The following BMS1 variants were observed in gnomAD, a reference collection of about 807,000 sequenced individuals.
BMS1 encodes the protein ribosome biogenesis protein BMS1 homolog.
Under a neutral mutation model 138.7 loss-of-function variants are expected in BMS1, and 53 were observed. That is an observed-to-expected ratio of 0.38 (90% confidence interval 0.31 to 0.48). The LOEUF (loss-of-function observed/expected upper bound fraction) is 0.48, where lower values mean the gene tolerates loss of function less well. BMS1 is among the 20% of genes least tolerant of loss of function. The probability of loss-of-function intolerance (pLI) is 0.97; values close to 1 mark genes in which losing one functional copy is unlikely to be tolerated. For missense variants in BMS1, 1,360 were observed against 1,565.5 expected, an observed-to-expected ratio of 0.87 and a Z score of 2.22; for synonymous variants, 504 against 539.9, an observed-to-expected ratio of 0.93 and a Z score of 0.92.
rs1356766713 is a variant in BMS1 at position 42,831,502 on chromosome 10, A to G, written c.*406A>G. The stretch of plus-strand genomic sequence containing the variant: ...TCATGAGGAGTCTTCCAGAAGAGAA[A>G]GAAATATTCACTTGAACTCTGAGCT... On this transcript the variant is annotated 3_prime_UTR_variant, in exon 23 of 23. Coordinates refer to ENST00000374518, the MANE Select transcript of BMS1 (RefSeq NM_014753.4). 1 of 175,812 alleles carries G rather than the reference A, an allele frequency of 5.7e-6. No individual in the cohort carries two copies. The allele number at this position is 175,812 out of a possible 1,614,324, so 10.9% of individuals were successfully genotyped here.
chr10:42,824,153 A>C (rs1039634639), intron 21 of BMS1, among the ~76,000 whole-genome samples: 1 of 152,210 alleles, frequency 6.6e-6, no homozygotes, highest in Non-Finnish European at 1.5e-5. Context: ...AGGAACAGCT[A>C]AAATCTACTT....
At position 42,823,212 on chromosome 10, in the gene BMS1, G is replaced by A. The variant is rs756311685; in HGVS notation, c.3227G>A (p.Arg1076Gln). 3.5e-5 allele frequency: 56 copies of A among 1,606,340 alleles called. No individual in the cohort carries two copies. Among genetic ancestry groups the A allele is most frequent in the South Asian group, 7.8e-5 (7 of 89,874 alleles). The change falls in exon 20 of 23, where the codon CGA becomes CAA. Residue 1076 changes from arginine to glutamine, a missense_variant. Physicochemically the swap from Arg to Gln is conservative, Grantham distance 43. Around this residue, in one of 3 missense-constraint regions of BMS1, gnomAD observed 425 missense variants for 568.3 expected, o/e 0.75. Coordinates refer to ENST00000374518, the MANE Select transcript of BMS1 (RefSeq NM_014753.4). ...AGGGGGCAGATCAAGAAAGCACTCC[G>A]AGCTCCAGAAGGAGCTTTCAGGGCC... The part of the protein sequence containing the change: ...GIRGQIKKAL[R>Q]APEGAFRASF...
chr10:42,811,071 T>C (rs2132352360), intron 13 of BMS1, among the ~76,000 whole-genome samples: 1 of 152,142 alleles, frequency 6.6e-6, no homozygotes, highest in East Asian at 1.9e-4. Context: ...AGACTGAGTT[T>C]CACTCTTCTT....
At chr10:42,823,813 T>C (rs1842568972) in intron 21 of BMS1, 29 bp downstream of exon 21, 11 of 1,495,080 alleles carry the variant, frequency 7.4e-6, no homozygotes, top group Non-Finnish European at 8.9e-6. Flanking sequence ...TTAGTGGAGA[T>C]GAAGCCTGTG....
At chr10:42,792,428 C>T (rs1564410740) in intron 6 of BMS1, 65 bp from the exon 7 acceptor site, 2 of 1,577,006 alleles carry the variant, frequency 1.3e-6, no homozygotes, top group East Asian at 2.3e-5. Context: ...GAATCATTGA[C>T]ACATGAAAGG....
intron 4 of BMS1, among the ~76,000 whole-genome samples, chr10:42,788,379 A>G (rs1841402067): frequency 1.3e-5 from 2 of 152,186 alleles, no homozygotes; most frequent in South Asian, 2.1e-4. Flanking sequence ...TGGATACATA[A>G]TAGTTATACA....
intron 9 of BMS1, among the ~76,000 whole-genome samples, chr10:42,794,644 G>A (rs1841617229): frequency 6.6e-6 from 1 of 150,432 alleles, no homozygotes; most frequent in African/African-American, 2.5e-5. Flanking sequence ...CTTTATAATG[G>A]GATTACTAGC....
chr10:42,800,448 C>G (rs1302858347), intron 12 of BMS1, among the ~76,000 whole-genome samples: 3 of 151,880 alleles, frequency 2.0e-5, no homozygotes, highest in Non-Finnish European at 4.4e-5. Flanking sequence ...TATGTATTAG[C>G]TGTAACACTT....
Position 42,792,477 on chromosome 10 carries a change from G to T in BMS1, c.780-16G>T. 6.2e-7 allele frequency: 1 copy of T among 1,610,104 alleles called. No individual in the cohort carries two copies. Among genetic ancestry groups the T allele is most frequent in the Non-Finnish European group, 8.5e-7 (1 of 1,179,192 alleles). On this transcript the variant is annotated splice_polypyrimidine_tract_variant and intron_variant, in intron 6 of 22. Coordinates refer to ENST00000374518, the MANE Select transcript of BMS1 (RefSeq NM_014753.4). ...TTTGGCATTCATTTCTGCTGTGATT[G>T]AATTTATTTTTCTAGGATGGAAGAT...
intron 11 of BMS1, among the ~76,000 whole-genome samples, 198 bp from the exon 12 acceptor site, chr10:42,798,270 A>G (rs1841753359): frequency 2.0e-5 from 3 of 152,166 alleles, no homozygotes; most frequent in African/African-American, 7.2e-5. Flanking sequence ...ATGTAGAGCA[A>G]TAGCTTCCTG....
chr10:42,816,755 A>G (rs1403198769), intron 14 of BMS1, 83 bp downstream of exon 14: 8 of 1,128,142 alleles, frequency 7.1e-6, no homozygotes, highest in Non-Finnish European at 8.9e-6. Flanking sequence ...CTTACTTGTG[A>G]TGTGTGAAGA....
At chr10:42,827,821 A>T (rs892170340) in intron 21 of BMS1, among the ~76,000 whole-genome samples, 2 of 151,924 alleles carry the variant, frequency 1.3e-5, no homozygotes, top group African/African-American at 4.8e-5. Flanking sequence ...TTGTCAGGGG[A>T]TGAGCGCAAG....
At position 42,832,182 on chromosome 10, in the gene BMS1, T is replaced by C. The variant is rs1305907857; in HGVS notation, c.*1086T>C. 4 of 152,206 alleles carry C rather than the reference T, an allele frequency of 2.6e-5. No homozygotes were observed. Among genetic ancestry groups the C allele is most frequent in the African/African-American group, 9.6e-5 (4 of 41,452 alleles). The allele number at this position is 152,206 out of a possible 1,614,324, so 9.4% of individuals were successfully genotyped here. A position where few individuals can be genotyped will look rare whatever the true frequency, so the allele number is the denominator to read the frequency against. On this transcript the variant is annotated 3_prime_UTR_variant, in exon 23 of 23. Coordinates refer to ENST00000374518, the MANE Select transcript of BMS1 (RefSeq NM_014753.4). ...ACTCACGCCTGTAATCCCAGCACTT[T>C]GGGATGCTAAGGCAGGAGGATCACT...
chr10:42,809,300 G>GGTTTT (rs747922715), intron 13 of BMS1, among the ~76,000 whole-genome samples: 1 of 152,050 alleles, frequency 6.6e-6, no homozygotes, highest in African/African-American at 2.4e-5. Flanking sequence ...GTTGTAGGAG[G>GGTTTT]GTTTTGTTTT....
rs748386669 is a variant in BMS1 at position 42,802,130 on chromosome 10, G to C, written c.2248-7G>C. 3 of 1,596,492 alleles carry C rather than the reference G, an allele frequency of 1.9e-6. No individual in the cohort carries two copies. Among genetic ancestry groups the C allele is most frequent in the Non-Finnish European group, 2.6e-6 (3 of 1,170,474 alleles). On this transcript the variant is annotated splice_polypyrimidine_tract_variant and splice_region_variant and intron_variant, in intron 12 of 22. Transcript: ENST00000374518. ...ACCTCACCTAAGTGCTGACTTTTCT[G>C]CGTAAGGTTATGAACAGTATCAGAG...
Position 42,803,854 on chromosome 10 carries a change from C to T in BMS1, c.2329+1636C>T, listed in dbSNP as rs76088405. Among the ~76,000 whole-genome samples, 1,492 of 152,264 alleles carry T rather than the reference C, an allele frequency of 9.8e-3. 57 individuals carry two copies. In the East Asian group the frequency reaches 0.11, roughly 11 times the overall value. ...ATCACCACAATCAAAATAATGAACACATTTGTCACCCCCACAGTTTTCTTA... is the reference window on the plus strand; with the variant it reads ...ATCACCACAATCAAAATAATGAACATATTTGTCACCCCCACAGTTTTCTTA... On this transcript the variant is annotated intron_variant, in intron 13 of 22. Coordinates refer to ENST00000374518, the MANE Select transcript of BMS1 (RefSeq NM_014753.4).
In BMS1 at chr10:42,797,470, T is replaced by G; in HGVS notation, c.2036T>G (p.Phe679Cys). 6.2e-7 allele frequency: 1 copy of G among 1,614,240 alleles called. No homozygotes were observed. The highest frequency in any genetic ancestry group is 2.2e-5 in the East Asian group (1 of 44,888). The change falls in exon 11 of 23, where the codon TTT (phenylalanine) becomes TGT (cysteine). Residue 679 changes from phenylalanine (F) to cysteine (C), a missense_variant. Phe to Cys is a radical substitution (Grantham distance 205). Transcript: ENST00000374518. The stretch of plus-strand genomic sequence containing the variant: ...CTTTCCAGAAAGGCAGCTGAGGCCT[T>G]TCTGAGGCAGCAGCAAGCAGCTCCA... ...EDLSRKAAEA[F>C]LRQQQAAPNL...
rs745427494 is a variant in BMS1 at position 42,793,031 on chromosome 10, C to T, written c.976C>T (p.Arg326Cys). Residue 326 changes from arginine (R) to cysteine (C), a missense_variant, in exon 8 of 23, where the codon CGC (arginine) becomes TGC (cysteine). By Grantham distance (180) the Arg-to-Cys change is radical (BLOSUM62 -3). Around this residue, in one of 3 missense-constraint regions of BMS1, gnomAD observed 697 missense variants for 686.2 expected, o/e 1.02. Coordinates refer to ENST00000374518, the MANE Select transcript of BMS1 (RefSeq NM_014753.4). ...CGCTCTTCCTGAACAACAAAAGAAG[C>T]GCTGTTTAAATGAGAAGGAGAAGCT... Reference protein sequence around the residue: ...PCALPEQQKKRCLNEKEKLVY... With the variant: ...PCALPEQQKKCCLNEKEKLVY... The T allele has an allele frequency of 2.2e-5, 35 of 1,613,892 alleles. No individual in the cohort carries two copies. The highest frequency in any genetic ancestry group is 1.6e-4 in the South Asian group (15 of 91,072).
chr10:42,787,262 G>A lies in BMS1; in HGVS notation c.447+15G>A, dbSNP rs773156244. On this transcript the variant is annotated intron_variant, in intron 4 of 22. Transcript: ENST00000374518. ...TAGCAGATCTGGTAAGTGAGCAGGG[G>A]CAGCCTGGGGTGCTGATGGAGACTT... The A allele has an allele frequency of 3.8e-5, 35 of 923,782 alleles. No homozygotes were observed. The South Asian group carries it at 4.3e-4, about 11-fold the overall frequency. 57.2% of individuals were successfully genotyped at this position (923,782 alleles called of 1,614,324 possible). A position where few individuals can be genotyped will look rare whatever the true frequency, so the allele number is the denominator to read the frequency against.
Sources: gnomAD v4.1 joint callset for allele counts (sites outside exome capture counted in the v4.1 genomes callset) on GRCh38, gnomAD v4.1.1 for gene constraint, gnomAD v4.1.1 regional missense constraint, MANE v1.5 for transcripts, NCBI Gene and HGNC (gene_info 2026-07-23, HGNC 2026-07-21) for gene names.